Variants in PRKG1 observed in about 807,000 individuals in gnomAD.
PRKG1 encodes the protein protein kinase cGMP-dependent 1, also known as cGMP-dependent protein kinase 1.
A neutral mutation model predicts 88.1 loss-of-function variants in PRKG1; 35 were observed. The observed-to-expected ratio is 0.40, with a 90% CI of 0.30 to 0.53. The LOEUF is 0.53. PRKG1 is among the 20% of genes least tolerant of loss of function. PRKG1 has a pLI of 0.59. For synonymous variants in PRKG1, 303 were observed against 292.5 expected, an observed-to-expected ratio of 1.04 and a Z score of -0.37; for missense variants, 540 against 839.8, an observed-to-expected ratio of 0.64 and a Z score of 4.41.
chr10:51,213,328 AG>A (rs1838283294), intron 2 of PRKG1, among the ~76,000 whole-genome samples: 2 of 147,898 alleles, frequency 1.4e-5, no homozygotes, highest in South Asian at 4.5e-4. Flanking sequence ...GGGTTGGGGG[AG>A]GGGGGAGGTA....
intron 5 of PRKG1, among the ~76,000 whole-genome samples, chr10:52,024,303 A>G (rs117716940): frequency 0.12 from 13,112 of 113,312 alleles, 798 homozygotes; most frequent in Non-Finnish European, 0.15. Flanking sequence ...TTATTCATTT[A>G]TTTATTTATT....
At chr10:52,102,935 C>A (rs1847330483) in intron 7 of PRKG1, among the ~76,000 whole-genome samples, 3 of 152,214 alleles carry the variant, frequency 2.0e-5, no homozygotes. Context: ...TGTTACTGAT[C>A]TGTGGCCTGT....
intron 3 of PRKG1, among the ~76,000 whole-genome samples, chr10:51,770,353 G>A (rs1838272115): frequency 6.6e-6 from 1 of 152,170 alleles, no homozygotes; most frequent in South Asian, 2.1e-4. Context: ...AAAAGGACAT[G>A]GCATCAGCAA....
chr10:51,951,203 A>G (rs747938836), intron 5 of PRKG1, among the ~76,000 whole-genome samples: 1 of 152,222 alleles, frequency 6.6e-6, no homozygotes, highest in Non-Finnish European at 1.5e-5. Flanking sequence ...TGGTTTCACC[A>G]GAGACCTGCC....
At chr10:51,859,411 A>G (rs1379003029) in intron 4 of PRKG1, among the ~76,000 whole-genome samples, 1 of 151,584 alleles carries the variant, frequency 6.6e-6, no homozygotes, top group Admixed American at 6.6e-5. Context: ...TTAGTCTGCA[A>G]CAGAGCCTAT....
intron 1 of PRKG1, among the ~76,000 whole-genome samples, chr10:51,132,257 G>T (rs1252962653): frequency 6.6e-6 from 1 of 152,164 alleles, no homozygotes; most frequent in African/African-American, 2.4e-5. Context: ...CAGCTAGTTA[G>T]CTGTTGCCTG....
chr10:51,035,797 C>G (rs1260141955), intron 1 of PRKG1, among the ~76,000 whole-genome samples: 1 of 152,124 alleles, frequency 6.6e-6, no homozygotes, highest in African/African-American at 2.4e-5. Flanking sequence ...ATTGAAATCA[C>G]CTATAACCCT....
chr10:51,040,741 T>C (rs930992284), intron 1 of PRKG1, among the ~76,000 whole-genome samples: 1 of 152,194 alleles, frequency 6.6e-6, no homozygotes, highest in Admixed American at 6.5e-5. Flanking sequence ...TACTTTCTTG[T>C]ATTCTTTTCA....
chr10:51,445,090 T>C (rs977045091), intron 2 of PRKG1, among the ~76,000 whole-genome samples: 2 of 151,950 alleles, frequency 1.3e-5, no homozygotes, highest in Admixed American at 1.3e-4. Context: ...ATTTGAGCAC[T>C]TGATATGTGG....
intron 7 of PRKG1, among the ~76,000 whole-genome samples, chr10:52,065,529 C>T (rs972976823): frequency 6.6e-6 from 1 of 152,098 alleles, no homozygotes. Flanking sequence ...TATTTCACAG[C>T]TTAATAAGTG....
chr10:52,189,360 A>C (rs1263034353), intron 9 of PRKG1, among the ~76,000 whole-genome samples: 2 of 152,158 alleles, frequency 1.3e-5, no homozygotes, highest in African/African-American at 2.4e-5. Flanking sequence ...AGTTCCACTC[A>C]TTCATCCCAG....
intron 2 of PRKG1, among the ~76,000 whole-genome samples, chr10:51,321,505 G>A (rs112468747): frequency 5.9e-4 from 90 of 152,144 alleles, no homozygotes; most frequent in Middle Eastern, 3.4e-3. Context: ...AGTGAAATAA[G>A]CCAGGCACGG....
At chr10:51,266,208 C>T (rs533021842) in intron 2 of PRKG1, among the ~76,000 whole-genome samples, 3 of 151,988 alleles carry the variant, frequency 2.0e-5, no homozygotes, top group Non-Finnish European at 4.4e-5. Flanking sequence ...TGCTCAGGAG[C>T]TTGAGTTTTG....
At chr10:50,996,036 T>C (rs895926394) in intron 1 of PRKG1, among the ~76,000 whole-genome samples, 2 of 152,166 alleles carry the variant, frequency 1.3e-5, no homozygotes, top group Non-Finnish European at 2.9e-5. Context: ...ATGAAGTGAG[T>C]AGGTCTTAGC....
chr10:52,148,913 G>T (rs572825032), intron 8 of PRKG1, among the ~76,000 whole-genome samples: 20 of 141,276 alleles, frequency 1.4e-4, no homozygotes, highest in Non-Finnish European at 2.6e-4. Context: ...CATAGGAAAA[G>T]CAGCTTCTTC....
chr10:51,173,998 A>C (rs921792720), intron 2 of PRKG1, among the ~76,000 whole-genome samples: 2 of 151,924 alleles, frequency 1.3e-5, no homozygotes, highest in African/African-American at 4.8e-5. Context: ...TGTTCTCAAG[A>C]ATGAGGGAGA....
At chr10:51,271,575 T>G (rs1378730974) in intron 2 of PRKG1, among the ~76,000 whole-genome samples, 1 of 152,198 alleles carries the variant, frequency 6.6e-6, no homozygotes, top group African/African-American at 2.4e-5. Flanking sequence ...CTAGATGGCT[T>G]TTACTCTCAC....
chr10:51,005,658 C>G (rs373299167), intron 1 of PRKG1, among the ~76,000 whole-genome samples: 2 of 152,130 alleles, frequency 1.3e-5, no homozygotes, highest in African/African-American at 2.4e-5. Flanking sequence ...TTAGCAGAGC[C>G]GCTTTTGAAG....
chr10:51,582,206 A>C (rs999899110), intron 3 of PRKG1, among the ~76,000 whole-genome samples: 1 of 152,210 alleles, frequency 6.6e-6, no homozygotes, highest in African/African-American at 2.4e-5. Context: ...TGACTAATCT[A>C]TAATATTCTC....
Sources: allele counts gnomAD v4.1 joint callset (sites outside exome capture counted in the v4.1 genomes callset), GRCh38; gene constraint gnomAD v4.1.1; transcripts MANE v1.5; gene names NCBI Gene and HGNC (gene_info 2026-07-23, HGNC 2026-07-21).